The following CDC14A variants were observed in gnomAD, a reference collection of about 807,000 sequenced individuals.
CDC14A encodes the protein cell division cycle 14A.
In CDC14A, 53 loss-of-function variants were observed where a neutral mutation model predicts 74.4. The ratio of observed to expected loss-of-function variants is 0.71; its 90% confidence interval spans 0.57 to 0.89. The LOEUF is 0.89. CDC14A is among the 40% of genes least tolerant of loss of function. The pLI, the probability that CDC14A is intolerant of heterozygous loss-of-function variation, is 0.00. For missense variants in CDC14A, 646 were observed against 713.7 expected, an observed-to-expected ratio of 0.91 and a Z score of 1.08; for synonymous variants, 247 against 258.4, an observed-to-expected ratio of 0.96 and a Z score of 0.43.
intron 10 of CDC14A, among the ~76,000 whole-genome samples, chr1:100,468,460 A>G (rs1468840828): frequency 6.6e-6 from 1 of 152,130 alleles, no homozygotes; most frequent in Non-Finnish European, 1.5e-5. Flanking sequence ...AAAAAACCAC[A>G]ATTAAGGTCA....
At chr1:100,496,410 A>AT (rs1462902667) in intron 13 of CDC14A, among the ~76,000 whole-genome samples, 1 of 151,304 alleles carries the variant, frequency 6.6e-6, no homozygotes, top group Non-Finnish European at 1.5e-5. Context: ...TCCTCTTTCT[A>AT]TTTTTTCCCA....
rs762593131 is a variant in CDC14A, at chr1:100,395,438, C to T, written c.309+4614C>T. 9.2e-5 allele frequency among the ~76,000 whole-genome samples: 14 copies of T among 152,242 alleles called. No homozygotes were observed. In the South Asian group the frequency reaches 1.0e-3, roughly 11 times the overall value. On this transcript the variant is annotated intron_variant, in intron 4 of 15. Coordinates refer to ENST00000336454, the MANE Select transcript of CDC14A (RefSeq NM_003672.4). ...ATCAAAAGAGTAGTCATTTTGATTT[C>T]TTTTGTTCGCTCATCCCACATTCTA...
chr1:100,345,484 CAG>C (rs1045098527), intron 1 of CDC14A, among the ~76,000 whole-genome samples: 1 of 151,950 alleles, frequency 6.6e-6, no homozygotes, highest in Admixed American at 6.6e-5. Context: ...TCAGAAGAAA[CAG>C]AGTCCAAAAT....
At chr1:100,394,170 A>G (rs1199069213) in intron 4 of CDC14A, 1 of 162,832 alleles carries the variant, frequency 6.1e-6, no homozygotes, top group African/African-American at 2.4e-5. Flanking sequence ...GCTGCAGTGC[A>G]CTGGTGCGAT....
intron 4 of CDC14A, among the ~76,000 whole-genome samples, chr1:100,421,947 G>A (rs571839866): frequency 1.3e-5 from 2 of 152,238 alleles, no homozygotes; most frequent in East Asian, 1.9e-4. Flanking sequence ...GTATTTTAAT[G>A]ACCCAGCATG....
In CDC14A at chr1:100,454,172, C is replaced by T. The variant is rs1032137509; in HGVS notation, c.520-1233C>T. On this transcript the variant is annotated intron_variant, in intron 7 of 15. Coordinates refer to ENST00000336454, the MANE Select transcript of CDC14A (RefSeq NM_003672.4). The stretch of plus-strand genomic sequence containing the variant: ...GATGGCCATATTCCAATTTGTTTAA[C>T]AAATATTTATTGTGTTCTTATGGTA... 1.3e-5 allele frequency among the ~76,000 whole-genome samples: 2 copies of T among 151,788 alleles called. 1 individual carries two copies. Among genetic ancestry groups the T allele is most frequent in the South Asian group, 4.2e-4 (2 of 4,814 alleles).
At chr1:100,436,411 G>A (rs1664344048) in intron 5 of CDC14A, among the ~76,000 whole-genome samples, 2 of 151,642 alleles carry the variant, frequency 1.3e-5, no homozygotes, top group African/African-American at 4.8e-5. Flanking sequence ...TATTAATTGT[G>A]TTGGTTATCA....
At chr1:100,455,564 G>T in intron 8 of CDC14A, 72 bp downstream of exon 8, 1 of 872,314 alleles carries the variant, frequency 1.1e-6, no homozygotes. Flanking sequence ...AACTTCCTCA[G>T]ATAATTATTT....
At chr1:100,434,416 A>G (rs1664076900) in intron 5 of CDC14A, among the ~76,000 whole-genome samples, 1 of 152,122 alleles carries the variant, frequency 6.6e-6, no homozygotes, top group Non-Finnish European at 1.5e-5. Context: ...GAAGATTTGA[A>G]CTTTCCCTTG....
At chr1:100,474,289 G>T (rs781762108) in intron 10 of CDC14A, among the ~76,000 whole-genome samples, 1 of 152,028 alleles carries the variant, frequency 6.6e-6, no homozygotes, top group African/African-American at 2.4e-5. Context: ...ACATTGGTTT[G>T]TAGTTTTCTT....
At chr1:100,420,061 C>CATATATATATATATATATATAT (rs1377818349) in intron 4 of CDC14A, among the ~76,000 whole-genome samples, 7 of 61,778 alleles carry the variant, frequency 1.1e-4, no homozygotes, top group Admixed American at 1.9e-4. Context: ...CACACACACA[C>CATATATATATATATATATATAT]ACATATATAT....
rs570183587 is a variant in CDC14A at position 100,354,063 on chromosome 1, A to G, written c.140+211A>G. On this transcript the variant is annotated intron_variant, in intron 2 of 15. Transcript: ENST00000336454. The stretch of plus-strand genomic sequence containing the variant: ...AACACTTCAGTTCTTTTAGACATCT[A>G]TCTGTTTTAGTTCTTCCTACCACCA... 2.2e-4 allele frequency among the ~76,000 whole-genome samples: 34 copies of G among 152,266 alleles called. 1 individual carries two copies. Among genetic ancestry groups the G allele is most frequent in the Admixed American group, 2.2e-3 (33 of 15,288 alleles).
chr1:100,354,612 T>G (rs1439120463), intron 2 of CDC14A, among the ~76,000 whole-genome samples: 1 of 152,224 alleles, frequency 6.6e-6, no homozygotes, highest in Non-Finnish European at 1.5e-5. Flanking sequence ...TGAAGAGAGA[T>G]AAATCTTTAT....
intron 6 of CDC14A, among the ~76,000 whole-genome samples, chr1:100,442,308 T>A (rs520498): frequency 0.016 from 2,280 of 147,030 alleles, 35 homozygotes; most frequent in African/African-American, 0.039. Flanking sequence ...TATTATGTAT[T>A]GTATATATAA....
upstream of CDC14A, chr1:100,351,761 G>A: frequency 1.9e-6 from 3 of 1,550,588 alleles, no homozygotes; most frequent in Non-Finnish European, 2.6e-6. Flanking sequence ...AACCAGATGG[G>A]AAACTTTTTG....
intron 8 of CDC14A, among the ~76,000 whole-genome samples, chr1:100,461,642 T>TTAA (rs1212017047): frequency 2.3e-4 from 35 of 152,262 alleles, no homozygotes; most frequent in African/African-American, 8.4e-4. Context: ...TTGCCTTGGC[T>TTAA]GATTAGCTAA....
At chr1:100,468,952 G>T (rs1367785410) in intron 10 of CDC14A, among the ~76,000 whole-genome samples, 3 of 151,450 alleles carry the variant, frequency 2.0e-5, no homozygotes, top group Non-Finnish European at 1.5e-5. Flanking sequence ...AGAGACGGGG[G>T]CCTCACTATG....
intron 8 of CDC14A, among the ~76,000 whole-genome samples, chr1:100,462,175 T>C (rs1379923263): frequency 2.0e-5 from 3 of 152,212 alleles, no homozygotes; most frequent in Non-Finnish European, 4.4e-5. Context: ...GACTTGTACA[T>C]AGTAGGTGCT....
intron 10 of CDC14A, among the ~76,000 whole-genome samples, chr1:100,468,680 A>G (rs1034224205): frequency 3.9e-5 from 6 of 152,204 alleles, no homozygotes; most frequent in African/African-American, 1.2e-4. Flanking sequence ...TCCCACAGCC[A>G]TTCATTCATT....
Sources: allele counts gnomAD v4.1 joint callset (sites outside exome capture counted in the v4.1 genomes callset), GRCh38; gene constraint gnomAD v4.1.1; transcripts MANE v1.5; gene names NCBI Gene and HGNC (gene_info 2026-07-23, HGNC 2026-07-21).